NDUFA6: variants seen among roughly 807,000 people sequenced by gnomAD.
The protein encoded by NDUFA6 is NADH:ubiquinone oxidoreductase subunit A6.
Under a neutral mutation model 12.5 loss-of-function variants are expected in NDUFA6, and 10 were observed. That is an observed-to-expected ratio of 0.80 (90% CI 0.49 to 1.35). The LOEUF is 1.35. Among genes scored for constraint, NDUFA6 ranks in the 40% most tolerant of loss-of-function variants. The pLI is 0.00. For synonymous variants in NDUFA6, 66 were observed against 63.0 expected, an observed-to-expected ratio of 1.05 and a Z score of -0.23; for missense variants, 177 against 173.5, an observed-to-expected ratio of 1.02 and a Z score of -0.11.
chr22:42,089,990 C>T (rs983707296), intron 1 of NDUFA6: 1 of 169,720 alleles, frequency 5.9e-6, no homozygotes, highest in Admixed American at 5.5e-5. Flanking sequence ...ACCATTCTGG[C>T]TAACACGGTG....
chr22:42,088,721 C>CAAAAA (rs59094967), intron 1 of NDUFA6, among the ~76,000 whole-genome samples: 2 of 71,926 alleles, frequency 2.8e-5, no homozygotes, highest in African/African-American at 4.7e-5. Flanking sequence ...GACTCTGTCT[C>CAAAAA]AAAAAAAAAA....
At chr22:42,090,038 C>T in intron 1 of NDUFA6, 1 of 167,482 alleles carries the variant, frequency 6.0e-6, no homozygotes, top group South Asian at 1.2e-4. Flanking sequence ...AAAAAATGGC[C>T]GGCGTGGTGG....
Position 42,085,916 on chromosome 22 carries a change from A to G in NDUFA6, c.*267T>C. 1.8e-6 allele frequency: 1 copy of G among 559,890 alleles called. No homozygotes were observed. The highest frequency in any genetic ancestry group is 3.2e-6 in the Non-Finnish European group (1 of 313,924). 34.7% of individuals were successfully genotyped at this position (559,890 alleles called of 1,614,324 possible). ...CGTCCAGCCTCATGCCCAATGTCACAATTTTTGAACAGATGGCCTCCTTCC... is the reference window on the plus strand; with the variant it reads ...CGTCCAGCCTCATGCCCAATGTCACGATTTTTGAACAGATGGCCTCCTTCC... On this transcript the variant is annotated 3_prime_UTR_variant, in exon 3 of 3. Coordinates refer to ENST00000498737, the MANE Select transcript of NDUFA6 (RefSeq NM_002490.6).
rs1025087881 is a variant in NDUFA6 at position 42,088,342 on chromosome 22, G to A, written c.140-1167C>T. Among the ~76,000 whole-genome samples the A allele has an allele frequency of 1.6e-4, 24 of 152,194 alleles. 1 individual carries two copies. Among genetic ancestry groups the A allele is most frequent in the African/African-American group, 5.1e-4 (21 of 41,532 alleles). On this transcript the variant is annotated intron_variant, in intron 1 of 2. Coordinates refer to ENST00000498737, the MANE Select transcript of NDUFA6 (RefSeq NM_002490.6). Reference sequence around the variant, plus strand: ...GAATGGCGTGAACCCGGGAAGCGGAGCTTGCAGTGAGCCGAGATTGCGCCA... The same window carrying A: ...GAATGGCGTGAACCCGGGAAGCGGAACTTGCAGTGAGCCGAGATTGCGCCA...
At chr22:42,087,564 A>T (rs1372371742) in intron 1 of NDUFA6, among the ~76,000 whole-genome samples, 7 of 151,828 alleles carry the variant, frequency 4.6e-5, no homozygotes, top group Admixed American at 4.6e-4. Context: ...GCACTTTGGG[A>T]GGCCGAGGTG....
At position 42,086,498 on chromosome 22, in the gene NDUFA6, C is replaced by G. The variant is rs4147641; in HGVS notation, c.256-184G>C. On this transcript the variant is annotated intron_variant, in intron 2 of 2. Coordinates refer to ENST00000498737, the MANE Select transcript of NDUFA6 (RefSeq NM_002490.6). ...GGTGGTCAGGGTAAATCATTTCTGA[C>G]ACTTTTCAGATTCTTTAACTCTGTG... is the stretch of plus-strand genomic sequence containing the variant. Among the ~76,000 whole-genome samples, 57,248 of 152,080 alleles carry G rather than the reference C, an allele frequency of 0.38. 11,341 individuals are homozygous for G. The highest frequency in any genetic ancestry group is 0.5 in the Middle Eastern group (148 of 294).
intron 1 of NDUFA6, chr22:42,090,080 C>T (rs188077692): frequency 3.4e-3 from 607 of 177,290 alleles, no homozygotes; most frequent in Admixed American, 8.6e-3. Flanking sequence ...ATTCGGGAGG[C>T]TGAGGCTGAG....
intron 1 of NDUFA6, among the ~76,000 whole-genome samples, chr22:42,087,692 C>G (rs1928343954): frequency 6.6e-6 from 1 of 151,838 alleles, no homozygotes; most frequent in Non-Finnish European, 1.5e-5. Context: ...ATTCCAGCTA[C>G]TCGGGAGGCT....
chr22:42,086,229 C>T lies in NDUFA6; in HGVS notation c.341G>A (p.Arg114Lys), dbSNP rs1928234460. Residue 114 changes from arginine to lysine, a missense_variant, in exon 3 of 3, where the codon AGG becomes AAG. Arg to Lys is a conservative substitution (Grantham distance 26). Coordinates refer to ENST00000498737, the MANE Select transcript of NDUFA6 (RefSeq NM_002490.6). ...GAACTTGGATAGGAAATCCTTTGGC[C>T]TTGGCGCTTCTGTTTCATGGAAGAA... Reference protein sequence around the residue: ...MRFFHETEAPRPKDFLSKFYV... With the variant: ...MRFFHETEAPKPKDFLSKFYV... 6.2e-7 allele frequency: 1 copy of T among 1,614,204 alleles called. No individual in the cohort carries two copies. The highest frequency in any genetic ancestry group is 8.5e-7 in the Non-Finnish European group (1 of 1,180,044).
At chr22:42,090,231 C>CTA (rs1385156947) in intron 1 of NDUFA6, among the ~76,000 whole-genome samples, 1 of 152,146 alleles carries the variant, frequency 6.6e-6, no homozygotes, top group Non-Finnish European at 1.5e-5. Context: ...CTCTGCAACT[C>CTA]TAGACTTTGG....
At position 42,085,710 on chromosome 22, in the gene NDUFA6, C is replaced by G. The variant is rs1440280952; in HGVS notation, c.*473G>C. Reference sequence around the variant, plus strand: ...CTTGTTACAAGTAGCGGAGCCAAGCCTTTGCACATCCATTTTCTTCAGAAC... The same window carrying G: ...CTTGTTACAAGTAGCGGAGCCAAGCGTTTGCACATCCATTTTCTTCAGAAC... On this transcript the variant is annotated 3_prime_UTR_variant, in exon 3 of 3. Transcript: ENST00000498737. The G allele has an allele frequency of 1.7e-5, 4 of 239,654 alleles. No individual in the cohort carries two copies. Among genetic ancestry groups the G allele is most frequent in the Admixed American group, 1.6e-4 (3 of 19,104 alleles). The allele number at this position is 239,654 out of a possible 1,614,324, so 14.8% of individuals were successfully genotyped here. A position where few individuals can be genotyped will look rare whatever the true frequency, so the allele number is the denominator to read the frequency against.
chr22:42,087,936 C>T (rs1199931080), intron 1 of NDUFA6, among the ~76,000 whole-genome samples: 13 of 147,172 alleles, frequency 8.8e-5, no homozygotes, highest in Non-Finnish European at 1.8e-4. Flanking sequence ...GGTGAAACCC[C>T]GTCTCCACTA....
In NDUFA6 at chr22:42,090,591, G is replaced by T. The variant is rs1243891637; in HGVS notation, c.139+15C>A. The T allele has an allele frequency of 1.2e-6, 2 of 1,613,160 alleles. No homozygotes were observed. The highest frequency in any genetic ancestry group is 4.5e-5 in the East Asian group (2 of 44,884). Reference sequence around the variant, plus strand: ...CGGCGGCCTCCGGGTCCCCACGTAAGCCGCTACCTCTCACCAGTGTTCGGC... The same window carrying T: ...CGGCGGCCTCCGGGTCCCCACGTAATCCGCTACCTCTCACCAGTGTTCGGC... On this transcript the variant is annotated intron_variant, in intron 1 of 2. Coordinates refer to ENST00000498737, the MANE Select transcript of NDUFA6 (RefSeq NM_002490.6).
At chr22:42,088,136 G>T (rs573873681) in intron 1 of NDUFA6, among the ~76,000 whole-genome samples, 2 of 148,866 alleles carry the variant, frequency 1.3e-5, no homozygotes, top group Non-Finnish European at 3.0e-5. Context: ...GGCTGGGCGC[G>T]GTGGCTCACG....
intron 1 of NDUFA6, among the ~76,000 whole-genome samples, chr22:42,087,555 C>A (rs908973693): frequency 4.6e-5 from 7 of 152,018 alleles, no homozygotes; most frequent in Admixed American, 6.6e-5. Flanking sequence ...GTAATCCCAG[C>A]ACTTTGGGAG....
chr22:42,087,528 C>T (rs1013700602), intron 1 of NDUFA6, among the ~76,000 whole-genome samples: 11 of 152,244 alleles, frequency 7.2e-5, no homozygotes, highest in Admixed American at 2.0e-4. Flanking sequence ...ATGGGCTGGG[C>T]GCGGTGGCTC....
Position 42,086,047 on chromosome 22 carries a change from G to T in NDUFA6, c.*136C>A. Reference sequence around the variant, plus strand: ...AAAGAACAGGTGATGTGTATACCAAGGTCCCACTTGCTCAGGCAAAAAGAG... The same window carrying T: ...AAAGAACAGGTGATGTGTATACCAATGTCCCACTTGCTCAGGCAAAAAGAG... On this transcript the variant is annotated 3_prime_UTR_variant, in exon 3 of 3. Coordinates refer to ENST00000498737, the MANE Select transcript of NDUFA6 (RefSeq NM_002490.6). The T allele has an allele frequency of 9.0e-7, 1 of 1,108,012 alleles. No individual in the cohort carries two copies. The highest frequency in any genetic ancestry group is 1.4e-6 in the Non-Finnish European group (1 of 728,156). 68.6% of individuals were successfully genotyped at this position (1,108,012 alleles called of 1,614,324 possible). A position where few individuals can be genotyped will look rare whatever the true frequency, so the allele number is the denominator to read the frequency against.
rs1372564312 is a variant in NDUFA6, at chr22:42,087,937, G to A, written c.140-762C>T. Among the ~76,000 whole-genome samples the A allele has an allele frequency of 3.4e-5, 5 of 147,416 alleles. No homozygotes were observed. In the East Asian group the frequency reaches 6.1e-4, roughly 18 times the overall value. ...AGCCTGGCCAACATGGTGAAACCCCGTCTCCACTAAAAATACAAACATGAG... is the reference window on the plus strand; with the variant it reads ...AGCCTGGCCAACATGGTGAAACCCCATCTCCACTAAAAATACAAACATGAG... On this transcript the variant is annotated intron_variant, in intron 1 of 2. Coordinates refer to ENST00000498737, the MANE Select transcript of NDUFA6 (RefSeq NM_002490.6).
intron 1 of NDUFA6, among the ~76,000 whole-genome samples, chr22:42,089,327 AAC>A (rs59418535): frequency 0.17 from 25,220 of 146,842 alleles, 2,552 homozygotes; most frequent in East Asian, 0.51. Context: ...ACCACCCCGA[AAC>A]ACACACACAC....
Sources: allele counts gnomAD v4.1 joint callset (sites outside exome capture counted in the v4.1 genomes callset), GRCh38; gene constraint gnomAD v4.1.1; transcripts MANE v1.5; gene names NCBI Gene and HGNC (gene_info 2026-07-23, HGNC 2026-07-21).